The following EGFLAM variants were observed in gnomAD, a reference collection of about 807,000 sequenced individuals.
The protein encoded by EGFLAM is pikachurin.
EGFLAM carries 79 observed loss-of-function variants against 113.1 expected under a neutral mutation model. That is an observed-to-expected ratio of 0.70 (90% CI 0.58 to 0.84). EGFLAM has a LOEUF of 0.84. EGFLAM is among the 40% of genes least tolerant of loss of function. The pLI is 0.00. For synonymous variants in EGFLAM, 504 were observed against 487.6 expected (o/e 1.03, Z -0.44); for missense variants, 1,265 against 1,291.6 (o/e 0.98, Z 0.32).
intron 15 of EGFLAM, among the ~76,000 whole-genome samples, chr5:38,433,754 G>C (rs1386040020): frequency 6.6e-6 from 1 of 152,216 alleles, no homozygotes; most frequent in Non-Finnish European, 1.5e-5. Flanking sequence ...AGATGCCTGT[G>C]GGTTTGTGGT....
intron 1 of EGFLAM, among the ~76,000 whole-genome samples, chr5:38,274,774 T>C (rs1454574876): frequency 1.3e-5 from 2 of 152,124 alleles, no homozygotes; most frequent in African/African-American, 2.4e-5. Flanking sequence ...TAAAACTGAA[T>C]GGTAAAAGTA....
chr5:38,264,949 T>C (rs955862093), intron 1 of EGFLAM, among the ~76,000 whole-genome samples: 5 of 152,236 alleles, frequency 3.3e-5, no homozygotes, highest in African/African-American at 1.2e-4. Flanking sequence ...CAACATCTTA[T>C]CTAATCTTCA....
chr5:38,269,583 A>G (rs1162541583), intron 1 of EGFLAM, among the ~76,000 whole-genome samples: 1 of 150,532 alleles, frequency 6.6e-6, no homozygotes, highest in African/African-American at 2.5e-5. Context: ...TCCGCCTCGC[A>G]GGTTCACGCC....
At chr5:38,284,161 A>G (rs1304563688) in intron 1 of EGFLAM, 2 of 152,234 alleles carry the variant, frequency 1.3e-5, no homozygotes, top group African/African-American at 4.8e-5. Flanking sequence ...GGCTTAGTTA[A>G]TCACTTGGCT....
At chr5:38,352,076 G>T in intron 4 of EGFLAM, 120 bp from the exon 5 acceptor site, 2 of 1,412,564 alleles carry the variant, frequency 1.4e-6, no homozygotes, top group Admixed American at 2.2e-5. Context: ...GGAAGCACTC[G>T]AGCTGTTTAT....
At chr5:38,459,713 A>G (rs1298626022) in intron 20 of EGFLAM, among the ~76,000 whole-genome samples, 2 of 150,850 alleles carry the variant, frequency 1.3e-5, no homozygotes, top group Non-Finnish European at 3.0e-5. Context: ...GCTCCCATAT[A>G]GGCTGCAATG....
intron 1 of EGFLAM, among the ~76,000 whole-genome samples, chr5:38,268,627 A>G (rs959156415): frequency 1.3e-5 from 2 of 152,184 alleles, no homozygotes; most frequent in African/African-American, 2.4e-5. Context: ...CTTCTTTCCC[A>G]TGGATATTTT....
chr5:38,435,292 G>A, intron 16 of EGFLAM, 39 bp downstream of exon 16: 1 of 1,425,460 alleles, frequency 7.0e-7, no homozygotes. Context: ...GGGCCACCCA[G>A]ACTGTAGACA....
intron 17 of EGFLAM, among the ~76,000 whole-genome samples, chr5:38,442,547 T>A (rs1742582139): frequency 6.6e-6 from 1 of 151,900 alleles, no homozygotes; most frequent in Non-Finnish European, 1.5e-5. Context: ...AGGAAAAAAA[T>A]TTCAATTGCG....
At chr5:38,440,479 A>C (rs1742497822) in intron 17 of EGFLAM, among the ~76,000 whole-genome samples, 1 of 152,228 alleles carries the variant, frequency 6.6e-6, no homozygotes, top group South Asian at 2.1e-4. Context: ...TATTGGGGAA[A>C]ACATTTAGTC....
intron 9 of EGFLAM, among the ~76,000 whole-genome samples, chr5:38,408,406 C>T (rs1175926054): frequency 1.3e-5 from 2 of 152,182 alleles, no homozygotes; most frequent in Non-Finnish European, 2.9e-5. Flanking sequence ...AGTCAGTGAC[C>T]TCAGCTTAAA....
chr5:38,350,469 T>G (rs746827692), intron 3 of EGFLAM, 32 bp from the exon 4 acceptor site: 1 of 1,602,612 alleles, frequency 6.2e-7, no homozygotes, highest in Admixed American at 1.7e-5. Context: ...ATGTACTGAT[T>G]GTTAGCATCT....
rs200770771 is a variant in EGFLAM, at chr5:38,418,219, T to C, written c.1648T>C (p.Trp550Arg). Residue 550 changes from tryptophan to arginine, a missense_variant, in exon 12 of 22, where the codon TGG becomes CGG. Coordinates refer to ENST00000322350, the MANE Select transcript of EGFLAM (RefSeq NM_152403.4). Reference sequence around the variant, plus strand: ...TGGGAGGAGAATTGACATGAGGCCCTGGCCCCTGGGAAAAGCACTCAGTGG... The same window carrying C: ...TGGGAGGAGAATTGACATGAGGCCCCGGCCCCTGGGAAAAGCACTCAGTGG... ...VNGRRIDMRP[W>R]PLGKALSGAD... 3.5e-5 allele frequency: 57 copies of C among 1,614,040 alleles called. 1 individual carries two copies. In the East Asian group the frequency reaches 1.2e-3, roughly 33 times the overall value.
At chr5:38,344,088 G>C (rs933218090) in intron 3 of EGFLAM, among the ~76,000 whole-genome samples, 2 of 152,220 alleles carry the variant, frequency 1.3e-5, no homozygotes, top group African/African-American at 4.8e-5. Context: ...AGAAAGAACA[G>C]CATCATGTAA....
At chr5:38,347,136 G>T (rs1399068219) in intron 3 of EGFLAM, among the ~76,000 whole-genome samples, 1 of 152,156 alleles carries the variant, frequency 6.6e-6, no homozygotes, top group African/African-American at 2.4e-5. Flanking sequence ...CTAATCCAAG[G>T]CCTGGGGCAG....
chr5:38,369,779 A>G (rs1740156164), intron 5 of EGFLAM, among the ~76,000 whole-genome samples: 1 of 152,224 alleles, frequency 6.6e-6, no homozygotes, highest in Non-Finnish European at 1.5e-5. Context: ...AAAATTCAGC[A>G]CATTGGCGTA....
chr5:38,381,339 G>A (rs1483724955), intron 6 of EGFLAM, among the ~76,000 whole-genome samples: 1 of 152,154 alleles, frequency 6.6e-6, no homozygotes, highest in Non-Finnish European at 1.5e-5. Flanking sequence ...AAGAGAGGAG[G>A]TCTGTGAAAT....
intron 21 of EGFLAM, 150 bp from the exon 22 acceptor site, chr5:38,463,682 C>A: frequency 1.3e-6 from 1 of 796,662 alleles, no homozygotes; most frequent in Non-Finnish European, 2.0e-6. Context: ...AGGTACTGAG[C>A]AGCTCAAGGG....
chr5:38,458,372 T>A lies in EGFLAM; in HGVS notation c.2749T>A (p.Trp917Arg), dbSNP rs1743160248. Residue 917 changes from tryptophan (W) to arginine (R), a missense_variant, in exon 20 of 22, where the codon TGG (tryptophan) becomes AGG (arginine). Transcript: ENST00000322350. The part of the protein sequence containing the change: ...MVNGSFNDGR[W>R]HRVKAVRDGQ... Reference sequence around the variant, plus strand: ...GAATGGCTCCTTCAACGATGGTCGGTGGCACCGAGTTAAGGCCGTTAGGTG... The same window carrying A: ...GAATGGCTCCTTCAACGATGGTCGGAGGCACCGAGTTAAGGCCGTTAGGTG... 6.2e-7 allele frequency: 1 copy of A among 1,613,986 alleles called. No individual in the cohort carries two copies. The highest frequency in any genetic ancestry group is 1.1e-5 in the South Asian group (1 of 91,084).
Sources: gnomAD v4.1 joint callset for allele counts (sites outside exome capture counted in the v4.1 genomes callset) on GRCh38, gnomAD v4.1.1 for gene constraint, MANE v1.5 for transcripts, NCBI Gene and HGNC (gene_info 2026-07-23, HGNC 2026-07-21) for gene names.